The following HERC2 variants were observed in gnomAD, a reference collection of about 807,000 sequenced individuals.
The protein encoded by HERC2 is E3 ubiquitin-protein ligase HERC2.
Under a neutral mutation model 537.7 loss-of-function variants are expected in HERC2, and 102 were observed. That is an observed-to-expected ratio of 0.19 (90% CI 0.16 to 0.22). The LOEUF is 0.22. Among genes scored for constraint, HERC2 ranks in the 10% least tolerant of loss-of-function variants. The pLI, the probability that HERC2 is intolerant of heterozygous loss-of-function variation, is 1.00. For missense variants in HERC2, 4,236 were observed against 6,198.2 expected (o/e 0.68, Z 10.63); for synonymous variants, 2,224 against 2,466.2 (o/e 0.90, Z 2.91).
At chr15:28,250,667 G>A (rs1168261369) in intron 20 of HERC2, among the ~76,000 whole-genome samples, 3 of 151,992 alleles carry the variant, frequency 2.0e-5, no homozygotes, top group Non-Finnish European at 4.4e-5. Context: ...GTTTTCCAAG[G>A]GAAAAAAGGA....
rs1460746856 is a variant in HERC2 at position 28,144,008 on chromosome 15, G to T, written c.11300-17C>A. 1 of 1,614,186 alleles carries T rather than the reference G, an allele frequency of 6.2e-7. No individual in the cohort carries two copies. On this transcript the variant is annotated splice_polypyrimidine_tract_variant and intron_variant, in intron 73 of 92. Coordinates refer to ENST00000261609, the MANE Select transcript of HERC2 (RefSeq NM_004667.6). ...GACTGGCAGCTGAAATGAGCAGAGA[G>T]AAAGTATCAGAAGTCTGATGGTTTC...
At chr15:28,133,946 A>C (rs1890356712) in intron 79 of HERC2, among the ~76,000 whole-genome samples, 1 of 152,224 alleles carries the variant, frequency 6.6e-6, no homozygotes, top group Non-Finnish European at 1.5e-5. Context: ...CCTCATTTTC[A>C]AAGTTGATTT....
Position 28,112,016 on chromosome 15 carries a change from G to T in HERC2, c.14252C>A (p.Pro4751His). ...FVIQVLDKYN[P>H]PDHFLPESYT... The stretch of plus-strand genomic sequence containing the variant: ...GGACTCAGGGAGGAAGTGGTCTGGA[G>T]GGTTGTATTTATCCAACACCTGTTG... Residue 4751 changes from proline to histidine, a missense_variant, in exon 93 of 93, where the codon CCT becomes CAT. Physicochemically the swap from Pro to His is moderately conservative, Grantham distance 77. This residue lies in a region of HERC2 where 313 missense variants were observed against 462.6 expected (regional missense o/e 0.68). Coordinates refer to ENST00000261609, the MANE Select transcript of HERC2 (RefSeq NM_004667.6). 1 of 1,613,750 alleles carries T rather than the reference G, an allele frequency of 6.2e-7. No homozygotes were observed.
intron 23 of HERC2, among the ~76,000 whole-genome samples, chr15:28,244,771 T>C (rs1903493183): frequency 6.6e-6 from 1 of 152,182 alleles, no homozygotes; most frequent in South Asian, 2.1e-4. Flanking sequence ...CCATGTTCAA[T>C]GTCCTGGGGC....
At chr15:28,168,361 C>A (rs759246983) in intron 67 of HERC2, 46 bp downstream of exon 67, 24 of 1,565,336 alleles carry the variant, frequency 1.5e-5, no homozygotes, top group Non-Finnish European at 2.0e-5. Flanking sequence ...CACAAAGTAG[C>A]CACCTTTTCC....
At chr15:28,273,262 G>A (rs2075788384) in intron 7 of HERC2, 1 of 524,952 alleles carries the variant, frequency 1.9e-6, no homozygotes, top group South Asian at 2.3e-5. Flanking sequence ...TGTATATGAA[G>A]CATAAAATAA....
intron 76 of HERC2, 101 bp from the exon 77 acceptor site, chr15:28,141,947 G>A (rs1891268729): frequency 1.1e-6 from 1 of 938,212 alleles, no homozygotes; most frequent in African/African-American, 1.6e-5. Context: ...AAAAATATGA[G>A]GGAAGAGCAA....
chr15:28,168,284 A>T, intron 67 of HERC2, 123 bp downstream of exon 67: 1 of 930,862 alleles, frequency 1.1e-6, no homozygotes. Context: ...TTCTAAGTAA[A>T]GCCAAAAATC....
intron 9 of HERC2, chr15:28,271,923 T>C (rs553347157): frequency 3.0e-5 from 13 of 434,604 alleles, no homozygotes; most frequent in South Asian, 6.9e-5. Context: ...GCCCAGTACA[T>C]AGGAAGGACC....
At chr15:28,209,410 C>G (rs548477393) in intron 44 of HERC2, among the ~76,000 whole-genome samples, 1 of 152,220 alleles carries the variant, frequency 6.6e-6, no homozygotes, top group Admixed American at 6.5e-5. Flanking sequence ...GTGACACGAT[C>G]TCGCCTCACT....
Position 28,223,334 on chromosome 15 carries a change from G to A in HERC2, c.5465-1119C>T, listed in dbSNP as rs142888399. 4.3e-3 allele frequency among the ~76,000 whole-genome samples: 661 copies of A among 152,236 alleles called. 7 individuals carry two copies. Among genetic ancestry groups the A allele is most frequent in the African/African-American group, 0.015 (620 of 41,538 alleles). On this transcript the variant is annotated intron_variant, in intron 35 of 92. Transcript: ENST00000261609. The stretch of plus-strand genomic sequence containing the variant: ...GATTTTAGTTTTCTCCTCCAGGTGG[G>A]CGGGAAAAAGACCCAAACAGTCCCA...
Position 28,175,651 on chromosome 15 carries a change from T to C in HERC2, c.9692A>G (p.Lys3231Arg). ...TKSGVVWTWG[K>R]GDYFRLGHGS... Reference sequence around the variant, plus strand: ...GTGGCCCAATCTGAAGTAATCCCCCTTTCCCCTGAGAGAAGGCCCATGGTG... The same window carrying C: ...GTGGCCCAATCTGAAGTAATCCCCCCTTCCCCTGAGAGAAGGCCCATGGTG... Residue 3231 changes from lysine to arginine, a missense_variant, in exon 64 of 93, where the codon AAG becomes AGG. This residue lies in a region of HERC2 where 93 missense variants were observed against 265.1 expected (regional missense o/e 0.35). Coordinates refer to ENST00000261609, the MANE Select transcript of HERC2 (RefSeq NM_004667.6). 6.2e-7 allele frequency: 1 copy of C among 1,614,066 alleles called. No individual in the cohort carries two copies. Among genetic ancestry groups the C allele is most frequent in the Non-Finnish European group, 8.5e-7 (1 of 1,180,012 alleles).
At chr15:28,115,685 C>A (rs1304693532) in intron 88 of HERC2, 144 bp from the exon 89 acceptor site, 2 of 614,712 alleles carry the variant, frequency 3.3e-6, no homozygotes, top group Non-Finnish European at 5.9e-6. Context: ...TAGGTCTAGG[C>A]CCTTCCTCAA....
At chr15:28,184,144 T>C (rs1416953540) in intron 56 of HERC2, among the ~76,000 whole-genome samples, 1 of 152,038 alleles carries the variant, frequency 6.6e-6, no homozygotes, top group Admixed American at 6.6e-5. Context: ...TGAGCTGAGA[T>C]CATACCATTG....
At chr15:28,289,351 G>T (rs1320439294) in intron 4 of HERC2, among the ~76,000 whole-genome samples, 1 of 151,890 alleles carries the variant, frequency 6.6e-6, no homozygotes, top group Non-Finnish European at 1.5e-5. Context: ...GGAGATAAAG[G>T]GGGTCAAATT....
rs1901456032 is a variant in HERC2, at chr15:28,228,321, C to A, written c.5361G>T (p.Leu1787=). The A allele has an allele frequency of 6.2e-7, 1 of 1,612,504 alleles. No homozygotes were observed. The highest frequency in any genetic ancestry group is 8.5e-7 in the Non-Finnish European group (1 of 1,179,854). The part of the protein sequence containing the change: ...LGTIPQARFL[L]VMLSMLTLQH... Reference sequence around the variant, plus strand: ...GCAGGGTGAGCATGCTGAGCATCACCAGGAGGAAGCGGGCTTGCGGGATGG... The same window carrying A: ...GCAGGGTGAGCATGCTGAGCATCACAAGGAGGAAGCGGGCTTGCGGGATGG... The change falls in exon 35 of 93, where the codon CTG becomes CTT. Residue 1787 remains leucine, a synonymous_variant. Transcript: ENST00000261609.
chr15:28,241,656 C>T (rs1903135846), intron 23 of HERC2, among the ~76,000 whole-genome samples: 1 of 151,950 alleles, frequency 6.6e-6, no homozygotes, highest in Non-Finnish European at 1.5e-5. Context: ...CCCATCTCTA[C>T]TAAAATACAA....
chr15:28,207,428 G>A (rs1898603160), intron 44 of HERC2, among the ~76,000 whole-genome samples: 1 of 152,102 alleles, frequency 6.6e-6, no homozygotes, highest in Admixed American at 6.5e-5. Context: ...AAGCCACCAT[G>A]CCTGACCTAC....
intron 6 of HERC2, among the ~76,000 whole-genome samples, 183 bp downstream of exon 6, chr15:28,274,722 C>T (rs1567104281): frequency 6.6e-6 from 1 of 151,902 alleles, no homozygotes; most frequent in Non-Finnish European, 1.5e-5. Context: ...TCTTTTTTTT[C>T]TTTAAAGCAC....
Sources: gnomAD v4.1 joint callset for allele counts (sites outside exome capture counted in the v4.1 genomes callset) on GRCh38, gnomAD v4.1.1 for gene constraint, gnomAD v4.1.1 regional missense constraint, MANE v1.5 for transcripts, NCBI Gene and HGNC (gene_info 2026-07-23, HGNC 2026-07-21) for gene names.